MGAT5: variants seen among roughly 807,000 people sequenced by gnomAD.
The protein encoded by MGAT5 is alpha-1,6-mannosylglycoprotein 6-beta-N-acetylglucosaminyltransferase A.
A neutral mutation model predicts 94.3 loss-of-function variants in MGAT5; 30 were observed. That is an observed-to-expected ratio of 0.32 (90% CI 0.24 to 0.43). MGAT5 has a LOEUF of 0.43. MGAT5 is among the 20% of genes least tolerant of loss of function. MGAT5 has a pLI of 1.00. For missense variants in MGAT5, 691 were observed against 905.5 expected (o/e 0.76, Z 3.04); for synonymous variants, 310 against 322.9 (o/e 0.96, Z 0.43).
chr2:134,149,253 TAAAG>T (rs974984824), intron 1 of MGAT5, among the ~76,000 whole-genome samples: 3 of 152,278 alleles, frequency 2.0e-5, no homozygotes, highest in African/African-American at 7.2e-5. Flanking sequence ...TAGGTGGAGA[TAAAG>T]AAAGCTTCCT....
At chr2:134,122,152 T>G (rs1685625113) in intron 1 of MGAT5, among the ~76,000 whole-genome samples, 1 of 152,096 alleles carries the variant, frequency 6.6e-6, no homozygotes, top group East Asian at 1.9e-4. Context: ...TTGCCCAGGC[T>G]GGAGTGCAAT....
intron 1 of MGAT5, among the ~76,000 whole-genome samples, chr2:134,267,815 A>G (rs1683809943): frequency 1.3e-5 from 2 of 152,172 alleles, no homozygotes; most frequent in South Asian, 4.1e-4. Flanking sequence ...TTTCTGTTGT[A>G]TTTGTAGCAG....
chr2:134,151,570 A>C (rs1057426575), intron 1 of MGAT5, among the ~76,000 whole-genome samples: 2 of 125,590 alleles, frequency 1.6e-5, no homozygotes, highest in Non-Finnish European at 3.3e-5. Context: ...ACTCACTGCC[A>C]TGGGACCTCA....
chr2:134,403,168 G>T (rs1336524862), intron 11 of MGAT5, 31 bp downstream of exon 11: 1 of 1,572,172 alleles, frequency 6.4e-7, no homozygotes, highest in Non-Finnish European at 8.6e-7. Context: ...TGGTGTTCAG[G>T]TTATTGCCAT....
At chr2:134,197,098 T>C (rs1470690086) in intron 1 of MGAT5, among the ~76,000 whole-genome samples, 1 of 152,200 alleles carries the variant, frequency 6.6e-6, no homozygotes, top group African/African-American at 2.4e-5. Context: ...ATGTGGTGGA[T>C]GGTATGGGGG....
At chr2:134,412,817 CT>C (rs1297779211) in intron 11 of MGAT5, 51 bp from the exon 12 acceptor site, 1 of 1,596,232 alleles carries the variant, frequency 6.3e-7, no homozygotes, top group African/African-American at 1.3e-5. Context: ...CCCGTCCTGC[CT>C]GATGGTCCTG....
intron 2 of MGAT5, among the ~76,000 whole-genome samples, chr2:134,307,324 A>G (rs935747380): frequency 2.6e-5 from 4 of 152,122 alleles, no homozygotes; most frequent in African/African-American, 9.7e-5. Flanking sequence ...GTTAGATATA[A>G]ACTCTATTCA....
At chr2:134,303,127 T>C (rs954460253) in intron 2 of MGAT5, among the ~76,000 whole-genome samples, 4 of 152,218 alleles carry the variant, frequency 2.6e-5, no homozygotes, top group African/African-American at 9.6e-5. Context: ...TAGTCTTGAA[T>C]GTCTCTGTTT....
At chr2:134,348,379 G>A (rs962547065) in intron 8 of MGAT5, among the ~76,000 whole-genome samples, 6 of 152,198 alleles carry the variant, frequency 3.9e-5, no homozygotes, top group Non-Finnish European at 8.8e-5. Context: ...AATTCCTCCT[G>A]TAGTTAGCTT....
intron 2 of MGAT5, among the ~76,000 whole-genome samples, chr2:134,308,457 T>G (rs1473643420): frequency 6.6e-6 from 1 of 152,188 alleles, no homozygotes; most frequent in Non-Finnish European, 1.5e-5. Context: ...GCTCATCGCA[T>G]GTCCCATCTA....
At chr2:134,160,558 T>C (rs1687685679) in intron 1 of MGAT5, among the ~76,000 whole-genome samples, 1 of 152,124 alleles carries the variant, frequency 6.6e-6, no homozygotes, top group South Asian at 2.1e-4. Flanking sequence ...AGGTTAAGGA[T>C]TGGGTGCGGG....
At chr2:134,341,843 A>G in intron 7 of MGAT5, 84 bp downstream of exon 7, 1 of 1,246,528 alleles carries the variant, frequency 8.0e-7, no homozygotes, top group Non-Finnish European at 1.1e-6. Context: ...ATTAGTGTAT[A>G]ATTTTTTGTC....
At chr2:134,327,307 G>C (rs1257303294) in intron 4 of MGAT5, among the ~76,000 whole-genome samples, 1 of 152,076 alleles carries the variant, frequency 6.6e-6, no homozygotes, top group African/African-American at 2.4e-5. Flanking sequence ...ACTGAGGGTG[G>C]TACCGAACCC....
intron 1 of MGAT5, among the ~76,000 whole-genome samples, chr2:134,231,693 G>C (rs1573572336): frequency 6.6e-6 from 1 of 152,324 alleles, no homozygotes; most frequent in East Asian, 1.9e-4. Context: ...AGACCCTCTA[G>C]AACCTGTGGG....
chr2:134,389,390 C>T (rs531800286), intron 10 of MGAT5, among the ~76,000 whole-genome samples: 1 of 152,320 alleles, frequency 6.6e-6, no homozygotes, highest in South Asian at 2.1e-4. Flanking sequence ...ACCTAGACAA[C>T]ATCTGCACTA....
At chr2:134,264,633 C>T (rs1245887362) in intron 1 of MGAT5, among the ~76,000 whole-genome samples, 1 of 146,434 alleles carries the variant, frequency 6.8e-6, no homozygotes, top group Admixed American at 6.9e-5. Flanking sequence ...TGGGTCATTA[C>T]TGTAACTCTA....
chr2:134,370,029 AG>A (rs1316078692), intron 10 of MGAT5, among the ~76,000 whole-genome samples: 1 of 152,234 alleles, frequency 6.6e-6, no homozygotes, highest in East Asian at 1.9e-4. Context: ...GTCTCAGACT[AG>A]GTGACTGCTG....
intron 1 of MGAT5, among the ~76,000 whole-genome samples, chr2:134,133,074 G>A (rs1049243992): frequency 2.0e-5 from 3 of 152,166 alleles, no homozygotes; most frequent in African/African-American, 7.2e-5. Context: ...TCCCGGCAGT[G>A]CCTTTTTTGG....
chr2:134,156,451 G>A (rs1279584506), intron 1 of MGAT5, among the ~76,000 whole-genome samples: 1 of 152,164 alleles, frequency 6.6e-6, no homozygotes, highest in Admixed American at 6.5e-5. Context: ...TTGTTGCCCA[G>A]GTGGTAAAAT....
Sources: allele counts gnomAD v4.1 joint callset (sites outside exome capture counted in the v4.1 genomes callset), GRCh38; gene constraint gnomAD v4.1.1; transcripts MANE v1.5; gene names NCBI Gene and HGNC (gene_info 2026-07-23, HGNC 2026-07-21).